The following SSBP2 variants were observed in gnomAD, a reference collection of about 807,000 sequenced individuals.
SSBP2 encodes single stranded DNA binding protein 2.
Under a neutral mutation model 61.8 loss-of-function variants are expected in SSBP2, and 17 were observed. The observed-to-expected ratio is 0.28, with a 90% CI of 0.19 to 0.41. The LOEUF (loss-of-function observed/expected upper bound fraction) is 0.41. SSBP2 is among the 10% of genes least tolerant of loss of function. The probability of loss-of-function intolerance (pLI) is 1.00; values close to 1 mark genes in which losing one functional copy is unlikely to be tolerated. For synonymous variants in SSBP2, 139 were observed against 141.3 expected (o/e 0.98, Z 0.12); for missense variants, 310 against 458.7 (o/e 0.68, Z 2.96).
intron 1 of SSBP2, among the ~76,000 whole-genome samples, chr5:81,720,978 G>C (rs1480789473): frequency 6.6e-6 from 1 of 152,054 alleles, no homozygotes; most frequent in Non-Finnish European, 1.5e-5. Flanking sequence ...TCACAGACAT[G>C]CTTGCTAGGT....
chr5:81,606,193 G>A (rs1744865017), intron 4 of SSBP2, among the ~76,000 whole-genome samples: 1 of 152,174 alleles, frequency 6.6e-6, no homozygotes, highest in Admixed American at 6.5e-5. Flanking sequence ...CACAGGCACT[G>A]AGGAAACTAA....
At chr5:81,473,076 G>A (rs1765356000) in intron 8 of SSBP2, among the ~76,000 whole-genome samples, 1 of 152,216 alleles carries the variant, frequency 6.6e-6, no homozygotes, top group South Asian at 2.1e-4. Context: ...GATTTGGCAT[G>A]TCACAAATGT....
chr5:81,626,152 A>G (rs1220327930), intron 3 of SSBP2, among the ~76,000 whole-genome samples: 1 of 152,242 alleles, frequency 6.6e-6, no homozygotes, highest in Non-Finnish European at 1.5e-5. Context: ...TATAACTTGT[A>G]TTAATATTAT....
rs985041429 is a variant in SSBP2, at chr5:81,557,362, G to A, written c.283-43645C>T. ...GTGCTTGAGTTCTTTGACTATCTTG[G>A]ATCTCTAAGTTTATAGTTTGCCTTA... On this transcript the variant is annotated intron_variant, in intron 4 of 16. Transcript: ENST00000320672. Among the ~76,000 whole-genome samples, 3 of 151,928 alleles carry A rather than the reference G, an allele frequency of 2.0e-5. No individual in the cohort carries two copies. In the South Asian group the frequency reaches 6.2e-4, roughly 31 times the overall value.
chr5:81,665,167 A>G (rs1160007650), intron 1 of SSBP2, among the ~76,000 whole-genome samples: 1 of 152,200 alleles, frequency 6.6e-6, no homozygotes, highest in Non-Finnish European at 1.5e-5. Context: ...GGCCATTTTA[A>G]TGATACTGAT....
At chr5:81,640,377 C>G (rs1002562918) in intron 2 of SSBP2, among the ~76,000 whole-genome samples, 1 of 151,836 alleles carries the variant, frequency 6.6e-6, no homozygotes, top group African/African-American at 2.4e-5. Context: ...AATGTAATAG[C>G]CATTTTGAGG....
At chr5:81,451,663 G>T (rs1373834877) in intron 10 of SSBP2, among the ~76,000 whole-genome samples, 3 of 152,242 alleles carry the variant, frequency 2.0e-5, no homozygotes, top group Admixed American at 2.0e-4. Context: ...CTGACCTCAG[G>T]TGATCCACCC....
At chr5:81,703,724 G>A (rs28635132) in intron 1 of SSBP2, among the ~76,000 whole-genome samples, 8,134 of 152,032 alleles carry the variant, frequency 0.054, 307 homozygotes, top group East Asian at 0.11. Flanking sequence ...TCCCTTAAAA[G>A]AGAAATGCCA....
At chr5:81,676,400 A>G (rs1221255879) in intron 1 of SSBP2, among the ~76,000 whole-genome samples, 1 of 152,092 alleles carries the variant, frequency 6.6e-6, no homozygotes, top group Non-Finnish European at 1.5e-5. Flanking sequence ...CTTCATATCT[A>G]CAGGAGAGGG....
chr5:81,612,843 T>A (rs575569933), intron 4 of SSBP2, among the ~76,000 whole-genome samples: 124 of 152,188 alleles, frequency 8.1e-4, no homozygotes, highest in African/African-American at 2.9e-3. Context: ...AAATGCAGAA[T>A]ATAACATTCT....
intron 4 of SSBP2, among the ~76,000 whole-genome samples, chr5:81,556,780 T>G (rs998424606): frequency 2.0e-5 from 3 of 152,178 alleles, no homozygotes; most frequent in Non-Finnish European, 2.9e-5. Context: ...TCTGTTCGCT[T>G]ATTAGCTATG....
At position 81,417,848 on chromosome 5, in the gene SSBP2, G is replaced by T. The variant is rs1761380197; in HGVS notation, c.*2656C>A. The stretch of plus-strand genomic sequence containing the variant: ...CTCTTTTTAATCTGGGCTCCAAGAA[G>T]AAAAAAGAAATAAATACTTATAATC... On this transcript the variant is annotated 3_prime_UTR_variant, in exon 17 of 17. Coordinates refer to ENST00000320672, the MANE Select transcript of SSBP2 (RefSeq NM_012446.5). 6.7e-6 allele frequency: 1 copy of T among 149,662 alleles called. No individual in the cohort carries two copies. Among genetic ancestry groups the T allele is most frequent in the Non-Finnish European group, 1.5e-5 (1 of 67,416 alleles). 9.3% of individuals were successfully genotyped at this position (149,662 alleles called of 1,614,324 possible).
intron 1 of SSBP2, among the ~76,000 whole-genome samples, chr5:81,720,201 T>C (rs1581416403): frequency 1.3e-5 from 2 of 152,288 alleles, no homozygotes; most frequent in Middle Eastern, 6.8e-3. Context: ...ACATCAACCA[T>C]TCTCAGCTCC....
At chr5:81,634,179 T>G (rs1747986236) in intron 3 of SSBP2, among the ~76,000 whole-genome samples, 1 of 152,240 alleles carries the variant, frequency 6.6e-6, no homozygotes, top group Non-Finnish European at 1.5e-5. Context: ...ATTTACAAGC[T>G]ATTCTCGCTG....
chr5:81,491,201 C>T (rs1464423430), intron 5 of SSBP2, among the ~76,000 whole-genome samples: 2 of 152,068 alleles, frequency 1.3e-5, no homozygotes, highest in Non-Finnish European at 2.9e-5. Flanking sequence ...TGTTTTATGA[C>T]ATAGTCATTA....
intron 4 of SSBP2, among the ~76,000 whole-genome samples, chr5:81,598,430 A>G (rs1237442031): frequency 6.7e-6 from 1 of 148,510 alleles, no homozygotes; most frequent in Non-Finnish European, 1.5e-5. Context: ...TGGAGAAGAG[A>G]CAAGCGTTCC....
intron 5 of SSBP2, among the ~76,000 whole-genome samples, chr5:81,510,760 CAA>C (rs376717678): frequency 7.1e-6 from 1 of 140,552 alleles, no homozygotes; most frequent in Non-Finnish European, 1.6e-5. Flanking sequence ...AACTCCATCT[CAA>C]AAAAAAAAAA....
intron 4 of SSBP2, among the ~76,000 whole-genome samples, chr5:81,590,804 T>C (rs572238040): frequency 6.6e-6 from 1 of 152,152 alleles, no homozygotes; most frequent in Non-Finnish European, 1.5e-5. Flanking sequence ...GCTCTAAAGG[T>C]AATATAGGTT....
chr5:81,560,361 ACT>A lies in SSBP2; in HGVS notation c.283-46646_283-46645del, dbSNP rs200001246. ...GATAGGAACAGTCCTGTGGCTATAA[ACT>A]CTGTACTGCCAAAGGGTTGCAGGAA... On this transcript the variant is annotated intron_variant, in intron 4 of 16. Coordinates refer to ENST00000320672, the MANE Select transcript of SSBP2 (RefSeq NM_012446.5). Among the ~76,000 whole-genome samples the A allele has an allele frequency of 8.8e-3, 1,344 of 152,274 alleles. 30 individuals carry two copies. The highest frequency in any genetic ancestry group is 0.031 in the African/African-American group (1,279 of 41,550).
Sources: allele counts gnomAD v4.1 joint callset (sites outside exome capture counted in the v4.1 genomes callset), GRCh38; gene constraint gnomAD v4.1.1; transcripts MANE v1.5; gene names NCBI Gene and HGNC (gene_info 2026-07-23, HGNC 2026-07-21).